The following GRB10 variants were observed in gnomAD, a reference collection of about 807,000 sequenced individuals.
The protein encoded by GRB10 is growth factor receptor-bound protein 10.
A neutral mutation model predicts 80.9 loss-of-function variants in GRB10; 20 were observed. The observed-to-expected ratio is 0.25, with a 90% CI of 0.17 to 0.36. The LOEUF is 0.36. Among genes scored for constraint, GRB10 ranks in the 10% least tolerant of loss-of-function variants. GRB10 has a pLI of 1.00. For synonymous variants in GRB10, 291 were observed against 291.5 expected (o/e 1.00, Z 0.02); for missense variants, 548 against 747.7 (o/e 0.73, Z 3.12).
chr7:50,738,642 C>T (rs774380226), intron 3 of GRB10, among the ~76,000 whole-genome samples: 3 of 152,194 alleles, frequency 2.0e-5, no homozygotes, highest in Admixed American at 2.0e-4. Context: ...AGTTATACAA[C>T]TGGATCATCT....
chr7:50,666,457 C>A (rs2059812266), intron 7 of GRB10, among the ~76,000 whole-genome samples: 1 of 152,182 alleles, frequency 6.6e-6, no homozygotes, highest in South Asian at 2.1e-4. Context: ...TTCATCAAGT[C>A]CCATTGGCCC....
At chr7:50,672,411 C>G (rs1395821553) in intron 6 of GRB10, among the ~76,000 whole-genome samples, 1 of 152,232 alleles carries the variant, frequency 6.6e-6, no homozygotes, top group Non-Finnish European at 1.5e-5. Context: ...ACAGTAAGCA[C>G]TCAGCAAATG....
At chr7:50,652,503 C>T (rs1220580016) in intron 7 of GRB10, among the ~76,000 whole-genome samples, 2 of 152,174 alleles carry the variant, frequency 1.3e-5, no homozygotes, top group South Asian at 2.1e-4. Context: ...GGACTTGGGC[C>T]ACTGAACTGA....
At chr7:50,770,633 G>A (rs182706504) in intron 2 of GRB10, among the ~76,000 whole-genome samples, 4 of 152,192 alleles carry the variant, frequency 2.6e-5, no homozygotes, top group Admixed American at 1.3e-4. Flanking sequence ...AATGCACAGC[G>A]GAGTTTTCTA....
At chr7:50,649,857 G>A (rs2057776828) in intron 7 of GRB10, among the ~76,000 whole-genome samples, 1 of 152,196 alleles carries the variant, frequency 6.6e-6, no homozygotes, top group African/African-American at 2.4e-5. Flanking sequence ...TTTTAGTTAG[G>A]TGAGGAGGCC....
At chr7:50,761,155 C>G (rs2075722295) in intron 2 of GRB10, among the ~76,000 whole-genome samples, 1 of 152,156 alleles carries the variant, frequency 6.6e-6, no homozygotes, top group African/African-American at 2.4e-5. Context: ...ATGCCAAGGC[C>G]ACACAGTTAA....
At position 50,715,735 on chromosome 7, in the gene GRB10, C is replaced by T. The variant is rs113511647; in HGVS notation, c.52-11827G>A. 2.3e-3 allele frequency among the ~76,000 whole-genome samples: 347 copies of T among 152,266 alleles called. 2 individuals carry two copies. Among genetic ancestry groups the T allele is most frequent in the Non-Finnish European group, 3.6e-3 (247 of 68,018 alleles). ...CAAAGCAAATCTACTCCTAGAACCA[C>T]GGTTAAAATAATATCATGGGTGACT... On this transcript the variant is annotated intron_variant, in intron 4 of 18. Transcript: ENST00000401949.
intron 2 of GRB10, among the ~76,000 whole-genome samples, chr7:50,772,323 C>G (rs1445844687): frequency 6.6e-6 from 1 of 152,190 alleles, no homozygotes; most frequent in South Asian, 2.1e-4. Flanking sequence ...TCCCAACTCC[C>G]CAGCCACCTC....
intron 18 of GRB10, 96 bp from the exon 19 acceptor site, chr7:50,593,194 T>G: frequency 1.4e-6 from 2 of 1,417,630 alleles, no homozygotes; most frequent in Non-Finnish European, 2.0e-6. Flanking sequence ...TGCCCATGAT[T>G]TGATTCCAGA....
intron 4 of GRB10, among the ~76,000 whole-genome samples, chr7:50,719,498 G>A (rs1056948016): frequency 1.3e-5 from 2 of 150,538 alleles, no homozygotes; most frequent in Non-Finnish European, 3.0e-5. Flanking sequence ...CACAGGGAGG[G>A]GCACATCATA....
At chr7:50,633,634 T>C (rs976635364) in intron 7 of GRB10, among the ~76,000 whole-genome samples, 1 of 151,896 alleles carries the variant, frequency 6.6e-6, no homozygotes, top group East Asian at 1.9e-4. Flanking sequence ...CAAGAGAAAG[T>C]TGAAAACCAA....
intron 3 of GRB10, among the ~76,000 whole-genome samples, chr7:50,737,749 T>C (rs2071052094): frequency 6.6e-6 from 1 of 152,202 alleles, no homozygotes; most frequent in Non-Finnish European, 1.5e-5. Flanking sequence ...CTCAGGAGGC[T>C]GAAGCAGGAG....
chr7:50,731,542 A>G (rs2069726406), intron 4 of GRB10, among the ~76,000 whole-genome samples: 1 of 152,182 alleles, frequency 6.6e-6, no homozygotes, highest in African/African-American at 2.4e-5. Context: ...ATGACAAATC[A>G]CGAGTAAGGA....
intron 3 of GRB10, among the ~76,000 whole-genome samples, chr7:50,748,972 A>C (rs2073585884): frequency 6.6e-6 from 1 of 152,202 alleles, no homozygotes; most frequent in African/African-American, 2.4e-5. Flanking sequence ...ATTAAATAAA[A>C]ACTCTTGTTC....
At chr7:50,742,609 A>G (rs767857506) in intron 3 of GRB10, among the ~76,000 whole-genome samples, 12 of 152,102 alleles carry the variant, frequency 7.9e-5, no homozygotes, top group African/African-American at 1.2e-4. Flanking sequence ...AAGCCCTTGC[A>G]TGATTCTACT....
Position 50,744,747 on chromosome 7 carries a change from T to C in GRB10, c.-47+11140A>G, listed in dbSNP as rs138175321. 1.9e-3 allele frequency among the ~76,000 whole-genome samples: 288 copies of C among 152,312 alleles called. 1 individual carries two copies. Among genetic ancestry groups the C allele is most frequent in the African/African-American group, 6.7e-3 (279 of 41,548 alleles). On this transcript the variant is annotated intron_variant, in intron 3 of 18. Transcript: ENST00000401949. ...GGGATGGGAGCTTCTCACATGGAGA[T>C]GATTAGCATCACATGGCATTTAAAG...
At chr7:50,604,425 C>T (rs2048160770) in intron 15 of GRB10, 48 bp from the exon 16 acceptor site, 7 of 1,462,486 alleles carry the variant, frequency 4.8e-6, no homozygotes, top group Non-Finnish European at 6.7e-6. Context: ...GACAGACACA[C>T]CAAGTCACCC....
intron 2 of GRB10, among the ~76,000 whole-genome samples, chr7:50,764,034 C>T (rs1163821012): frequency 6.6e-6 from 1 of 152,274 alleles, no homozygotes; most frequent in Non-Finnish European, 1.5e-5. Context: ...ACCTCACTCA[C>T]CAGCCTGGCC....
intron 7 of GRB10, among the ~76,000 whole-genome samples, chr7:50,629,756 G>C (rs2053662933): frequency 6.6e-6 from 1 of 152,238 alleles, no homozygotes. Flanking sequence ...GGCAGTTCTA[G>C]GAGGAGCATT....
Sources: allele counts gnomAD v4.1 joint callset (sites outside exome capture counted in the v4.1 genomes callset), GRCh38; gene constraint gnomAD v4.1.1; transcripts MANE v1.5; gene names NCBI Gene and HGNC (gene_info 2026-07-23, HGNC 2026-07-21).